LBH: variants seen among roughly 807,000 people sequenced by gnomAD.
LBH encodes the protein protein LBH.
In LBH, 7 loss-of-function variants were observed where a neutral mutation model predicts 12.5. The observed-to-expected ratio is 0.56, with a 90% CI of 0.32 to 1.05. LBH has a LOEUF of 1.05. Among genes scored for constraint, LBH ranks in the 50% least tolerant of loss-of-function variants. LBH has a pLI of 0.04. For synonymous variants in LBH, 51 were observed against 50.1 expected, an observed-to-expected ratio of 1.02 and a Z score of -0.08; for missense variants, 119 against 138.9, an observed-to-expected ratio of 0.86 and a Z score of 0.72.
chr2:30,236,333 G>C (rs1273163227), intron 2 of LBH, among the ~76,000 whole-genome samples: 1 of 152,110 alleles, frequency 6.6e-6, no homozygotes, highest in Non-Finnish European at 1.5e-5. Flanking sequence ...GGGCTGCAAG[G>C]GCAGCAGGAA....
At chr2:30,241,653 G>T (rs1677792144) in intron 2 of LBH, among the ~76,000 whole-genome samples, 1 of 151,616 alleles carries the variant, frequency 6.6e-6, no homozygotes, top group African/African-American at 2.4e-5. Context: ...AGTAGAGACG[G>T]GGTCTCACCA....
At chr2:30,239,299 A>C (rs923786023) in intron 2 of LBH, among the ~76,000 whole-genome samples, 2 of 152,120 alleles carry the variant, frequency 1.3e-5, no homozygotes, top group African/African-American at 4.8e-5. Flanking sequence ...GAAACAGGTG[A>C]CGGGTTAAGC....
At chr2:30,250,033 G>T (rs1432691943) in intron 2 of LBH, among the ~76,000 whole-genome samples, 1 of 152,174 alleles carries the variant, frequency 6.6e-6, no homozygotes, top group African/African-American at 2.4e-5. Flanking sequence ...GGCAGCTGAG[G>T]CTCAGAGGCG....
At chr2:30,234,566 G>A in intron 2 of LBH, 59 bp downstream of exon 2, 1 of 1,322,432 alleles carries the variant, frequency 7.6e-7, no homozygotes, top group South Asian at 1.2e-5. Flanking sequence ...TGCTGGGGGT[G>A]AGGACAGACT....
At chr2:30,233,347 G>A (rs557372987) in intron 1 of LBH, among the ~76,000 whole-genome samples, 1 of 152,330 alleles carries the variant, frequency 6.6e-6, no homozygotes, top group South Asian at 2.1e-4. Flanking sequence ...CAGTTCTTGA[G>A]GGGCAGAGCC....
intron 2 of LBH, among the ~76,000 whole-genome samples, chr2:30,243,381 C>T (rs1677821592): frequency 6.6e-6 from 1 of 152,150 alleles, no homozygotes; most frequent in Non-Finnish European, 1.5e-5. Context: ...AGTAAAATTA[C>T]ATTGTTCTGG....
chr2:30,234,831 G>A (rs959977028), intron 2 of LBH, among the ~76,000 whole-genome samples: 10 of 152,140 alleles, frequency 6.6e-5, no homozygotes, highest in South Asian at 2.1e-4. Context: ...GCCATTCACC[G>A]CAGCAAAGGA....
chr2:30,249,049 A>AGTGTTGG (rs1452758816), intron 2 of LBH, among the ~76,000 whole-genome samples: 6,658 of 152,150 alleles, frequency 0.044, 494 homozygotes, highest in African/African-American at 0.15. Flanking sequence ...AGTCCAGGGG[A>AGTGTTGG]GATTTAAGGA....
Position 30,234,424 on chromosome 2 carries a change from G to T in LBH, c.46G>T (p.Ala16Ser). 3 of 1,614,102 alleles carry T rather than the reference G, an allele frequency of 1.9e-6. No homozygotes were observed. The highest frequency in any genetic ancestry group is 2.5e-6 in the Non-Finnish European group (3 of 1,179,968). The change falls in exon 2 of 3, where the codon GCC (alanine) becomes TCC (serine). Residue 16 changes from alanine (A) to serine (S), a missense_variant. Coordinates refer to ENST00000395323, the MANE Select transcript of LBH (RefSeq NM_030915.4). ...PIHCPDYLRSAKMTEVMMNTQ... is the reference protein window; with the variant it reads ...PIHCPDYLRSSKMTEVMMNTQ... ...TGGCAGCCCCGACTATCTGAGATCG[G>T]CCAAGATGACTGAGGTGATGATGAA...
At chr2:30,232,416 G>A in intron 1 of LBH, 1 of 676,194 alleles carries the variant, frequency 1.5e-6, no homozygotes, top group Non-Finnish European at 2.3e-6. Flanking sequence ...AAGGAGCCCG[G>A]GCCGGGCGCG....
At position 30,258,040 on chromosome 2, in the gene LBH, C is replaced by T. The variant is rs1678118187; in HGVS notation, c.*419C>T. The stretch of plus-strand genomic sequence containing the variant: ...TTGGGGTAAGAAAACAAACATGAGG[C>T]AAAAGAAAAAATACATGTTTTTAAG... On this transcript the variant is annotated 3_prime_UTR_variant, in exon 3 of 3. Coordinates refer to ENST00000395323, the MANE Select transcript of LBH (RefSeq NM_030915.4). 1 of 157,470 alleles carries T rather than the reference C, an allele frequency of 6.4e-6. No homozygotes were observed. The highest frequency in any genetic ancestry group is 1.4e-5 in the Non-Finnish European group (1 of 71,534). 9.8% of individuals were successfully genotyped at this position (157,470 alleles called of 1,614,324 possible).
intron 2 of LBH, among the ~76,000 whole-genome samples, chr2:30,246,085 A>G (rs896303334): frequency 2.0e-5 from 3 of 151,948 alleles, no homozygotes; most frequent in African/African-American, 7.3e-5. Context: ...CAGCCTCCCA[A>G]GTAGCTGGAA....
chr2:30,236,962 G>A (rs1452415202), intron 2 of LBH, among the ~76,000 whole-genome samples: 1 of 152,180 alleles, frequency 6.6e-6, no homozygotes, highest in Non-Finnish European at 1.5e-5. Context: ...GCAGTGAGCT[G>A]GTCTGACCAT....
intron 2 of LBH, among the ~76,000 whole-genome samples, chr2:30,236,111 T>C (rs767640866): frequency 5.3e-5 from 8 of 152,248 alleles, no homozygotes; most frequent in Non-Finnish European, 1.2e-4. Context: ...TTCTGGGTTT[T>C]AGATTTCCAT....
At chr2:30,240,361 T>C (rs1427015557) in intron 2 of LBH, among the ~76,000 whole-genome samples, 1 of 152,212 alleles carries the variant, frequency 6.6e-6, no homozygotes, top group Non-Finnish European at 1.5e-5. Context: ...GTTGTGACTG[T>C]AGCCAAGAGC....
chr2:30,233,461 C>T (rs1004648298), intron 1 of LBH, among the ~76,000 whole-genome samples: 6 of 152,222 alleles, frequency 3.9e-5, no homozygotes, highest in Admixed American at 6.5e-5. Flanking sequence ...TAGATACTGT[C>T]CCTCAAAAGA....
intron 2 of LBH, among the ~76,000 whole-genome samples, chr2:30,237,314 C>CT (rs1187134520): frequency 1.3e-5 from 2 of 152,236 alleles, no homozygotes; most frequent in African/African-American, 4.8e-5. Context: ...GCACATTGGA[C>CT]TTTGTCAGTC....
chr2:30,257,092 G>C (rs932036164), intron 2 of LBH, among the ~76,000 whole-genome samples: 3 of 152,330 alleles, frequency 2.0e-5, no homozygotes, highest in Non-Finnish European at 2.9e-5. Flanking sequence ...TGCAGAGAGA[G>C]ACCAGACTTA....
intron 2 of LBH, among the ~76,000 whole-genome samples, chr2:30,256,074 G>A (rs1443316314): frequency 6.6e-6 from 1 of 152,194 alleles, no homozygotes; most frequent in Non-Finnish European, 1.5e-5. Flanking sequence ...TCTGGGGTGT[G>A]TCACTGAGGG....
Sources: allele counts gnomAD v4.1 joint callset (sites outside exome capture counted in the v4.1 genomes callset), GRCh38; gene constraint gnomAD v4.1.1; transcripts MANE v1.5; gene names NCBI Gene and HGNC (gene_info 2026-07-23, HGNC 2026-07-21).